Variants in PDZD2 observed in about 807,000 individuals in gnomAD.
PDZD2 encodes the protein PDZ domain containing 2.
Under a neutral mutation model 220.7 loss-of-function variants are expected in PDZD2, and 90 were observed. The ratio of observed to expected loss-of-function variants is 0.41; its 90% confidence interval spans 0.34 to 0.49. The LOEUF is 0.49. Among genes scored for constraint, PDZD2 ranks in the 20% least tolerant of loss-of-function variants. The pLI, the probability that PDZD2 is intolerant of heterozygous loss-of-function variation, is 0.28. For synonymous variants in PDZD2, 1,375 were observed against 1,450.5 expected (o/e 0.95, Z 1.18); for missense variants, 3,174 against 3,608.5 (o/e 0.88, Z 3.08).
rs1010744078 is a variant in PDZD2, at chr5:31,856,413, A to G, written c.476+56689A>G. Among the ~76,000 whole-genome samples, 7 of 151,798 alleles carry G rather than the reference A, an allele frequency of 4.6e-5. No homozygotes were observed. In the East Asian group the frequency reaches 1.2e-3, roughly 25 times the overall value. Reference sequence around the variant, plus strand: ...AGAAAAAGAGTTCTCAGAGCGGGCCACAAACAAAAGAAACAAGAAAGGGAA... The same window carrying G: ...AGAAAAAGAGTTCTCAGAGCGGGCCGCAAACAAAAGAAACAAGAAAGGGAA... On this transcript the variant is annotated intron_variant, in intron 2 of 24. Transcript: ENST00000438447.
At chr5:31,909,919 C>T (rs1743017842) in intron 2 of PDZD2, among the ~76,000 whole-genome samples, 1 of 152,138 alleles carries the variant, frequency 6.6e-6, no homozygotes, top group African/African-American at 2.4e-5. Flanking sequence ...TTATCCAAGA[C>T]CACAAGTATT....
chr5:31,892,639 C>T (rs1339561932), intron 2 of PDZD2, among the ~76,000 whole-genome samples: 2 of 151,666 alleles, frequency 1.3e-5, no homozygotes, highest in Admixed American at 1.3e-4. Flanking sequence ...GAGACCACAG[C>T]TCACTGCAGC....
At chr5:31,924,281 G>T (rs995896043) in intron 2 of PDZD2, among the ~76,000 whole-genome samples, 1 of 152,180 alleles carries the variant, frequency 6.6e-6, no homozygotes, top group Non-Finnish European at 1.5e-5. Flanking sequence ...CCTGCCATTT[G>T]GCTTGTTCTC....
intron 2 of PDZD2, among the ~76,000 whole-genome samples, chr5:31,968,343 G>A (rs796476040): frequency 6.6e-6 from 1 of 152,026 alleles, no homozygotes; most frequent in African/African-American, 2.4e-5. Flanking sequence ...GGGCGACAGA[G>A]TGAGACTGTG....
chr5:31,721,624 G>T lies in PDZD2; in HGVS notation c.-360-77265G>T, dbSNP rs374214704. ...CCATAACTAGCATGTATATATTTAT[G>T]GGCTATCTTTAAAAAAGTAACCAAC... On this transcript the variant is annotated intron_variant, in intron 1 of 24. Transcript: ENST00000438447. Among the ~76,000 whole-genome samples, 7 of 150,480 alleles carry T rather than the reference G, an allele frequency of 4.7e-5. No individual in the cohort carries two copies. The East Asian group carries it at 1.2e-3, about 25-fold the overall frequency.
Position 31,939,338 on chromosome 5 carries a change from T to C in PDZD2, c.477-43817T>C, listed in dbSNP as rs1313574055. Among the ~76,000 whole-genome samples the C allele has an allele frequency of 2.6e-5, 4 of 152,204 alleles. 1 individual carries two copies. The highest frequency in any genetic ancestry group is 4.4e-5 in the Non-Finnish European group (3 of 68,032). ...TCAGAAACCTGATTTGCGTAACTGC[T>C]GAAACTCAACTGGAAACCAACCAGA... On this transcript the variant is annotated intron_variant, in intron 2 of 24. Transcript: ENST00000438447.
Position 31,826,361 on chromosome 5 carries a change from T to C in PDZD2, c.476+26637T>C, listed in dbSNP as rs573173221. ...AAGTCTGAAAACAACCACTGACCTG[T>C]CTCCCTTTTATTTTTTACAAGATAT... On this transcript the variant is annotated intron_variant, in intron 2 of 24. Coordinates refer to ENST00000438447, the MANE Select transcript of PDZD2 (RefSeq NM_178140.4). Among the ~76,000 whole-genome samples the C allele has an allele frequency of 3.3e-5, 5 of 152,202 alleles. No homozygotes were observed. In the East Asian group the frequency reaches 9.6e-4, roughly 29 times the overall value.
chr5:31,895,649 T>C (rs954071017), intron 2 of PDZD2, among the ~76,000 whole-genome samples: 4 of 152,202 alleles, frequency 2.6e-5, no homozygotes, highest in Non-Finnish European at 2.9e-5. Context: ...ATAGAGTGAC[T>C]TTAAATTCTG....
At chr5:31,864,455 A>C (rs1223569064) in intron 2 of PDZD2, among the ~76,000 whole-genome samples, 1 of 151,812 alleles carries the variant, frequency 6.6e-6, no homozygotes, top group Non-Finnish European at 1.5e-5. Flanking sequence ...TCTCATATAT[A>C]ATCTTAATTG....
intron 5 of PDZD2, among the ~76,000 whole-genome samples, chr5:32,008,012 G>A (rs898973261): frequency 1.3e-5 from 2 of 152,098 alleles, no homozygotes; most frequent in African/African-American, 2.4e-5. Flanking sequence ...AGTCTGGGCC[G>A]GGCGCGGTCC....
chr5:31,686,211 G>A (rs13168296), intron 1 of PDZD2, among the ~76,000 whole-genome samples: 36,441 of 150,706 alleles, frequency 0.24, 4,889 homozygotes, highest in East Asian at 0.4. Flanking sequence ...GCGACAGAGC[G>A]AGTCTCCGTC....
chr5:32,063,552 A>G (rs1307398273), intron 14 of PDZD2, among the ~76,000 whole-genome samples: 1 of 152,174 alleles, frequency 6.6e-6, no homozygotes. Context: ...CCAGGCATCA[A>G]CAGACGGACT....
chr5:31,715,048 C>G (rs1439109007), intron 1 of PDZD2, among the ~76,000 whole-genome samples: 2 of 65,592 alleles, frequency 3.0e-5, no homozygotes, highest in Non-Finnish European at 5.9e-5. Flanking sequence ...AACAGAGCGA[C>G]ACTCTGTCTA....
In PDZD2 at chr5:31,731,126, T is replaced by C. The variant is rs548642857; in HGVS notation, c.-360-67763T>C. 3.3e-5 allele frequency among the ~76,000 whole-genome samples: 5 copies of C among 152,306 alleles called. No homozygotes were observed. The South Asian group carries it at 8.3e-4, about 25-fold the overall frequency. On this transcript the variant is annotated intron_variant, in intron 1 of 24. Coordinates refer to ENST00000438447, the MANE Select transcript of PDZD2 (RefSeq NM_178140.4). ...CTGTTTCCAGCCTGCAGTTTGGGTA[T>C]TCAGAGGCTAAAGAGCCTTTTCAGG...
rs1191282462 is a variant in PDZD2 at position 32,000,170 on chromosome 5, C to T, written c.1153C>T (p.Leu385=). 7 of 1,613,920 alleles carry T rather than the reference C, an allele frequency of 4.3e-6. No individual in the cohort carries two copies. The South Asian group carries it at 6.6e-5, about 15-fold the overall frequency. Residue 385 remains leucine (L), a synonymous_variant, in exon 5 of 25, where the codon CTG becomes TTG. Transcript: ENST00000438447. The surrounding 1 kb of genome is among the most constrained non-coding windows in gnomAD (Gnocchi z 4.5). ...CAGGCTGTCCTTAGGAGATGAGCTGCTGGTAATCAATGGTCATTTACTGGT... is the reference window on the plus strand; with the variant it reads ...CAGGCTGTCCTTAGGAGATGAGCTGTTGGTAATCAATGGTCATTTACTGGT... ...DGRLSLGDEL[L]VINGHLLVGL... is the part of the protein sequence containing the mutation.
intron 7 of PDZD2, among the ~76,000 whole-genome samples, chr5:32,047,060 C>CAATA (rs926435666): frequency 2.6e-5 from 4 of 151,422 alleles, no homozygotes; most frequent in East Asian, 1.9e-4. Context: ...AAGAAAACAC[C>CAATA]AATAAATAAA....
intron 1 of PDZD2, among the ~76,000 whole-genome samples, chr5:31,781,793 G>C (rs1471015040): frequency 6.6e-6 from 1 of 152,192 alleles, no homozygotes; most frequent in East Asian, 1.9e-4. Context: ...ATGTGAGACA[G>C]ACGTCTCATT....
intron 2 of PDZD2, among the ~76,000 whole-genome samples, chr5:31,854,386 T>C (rs1008733934): frequency 5.9e-5 from 9 of 152,112 alleles, no homozygotes; most frequent in African/African-American, 2.2e-4. Flanking sequence ...AATGCTTCAG[T>C]CGTGCAGTCA....
At chr5:31,984,346 A>T (rs1204983137) in intron 3 of PDZD2, among the ~76,000 whole-genome samples, 1 of 152,162 alleles carries the variant, frequency 6.6e-6, no homozygotes, top group African/African-American at 2.4e-5. Context: ...GGTCTCCCTC[A>T]TTATAACCAA....
Sources: allele counts gnomAD v4.1 joint callset (sites outside exome capture counted in the v4.1 genomes callset), GRCh38; gene constraint gnomAD v4.1.1; non-coding constraint Gnocchi (gnomAD v3.1); transcripts MANE v1.5; gene names NCBI Gene and HGNC (gene_info 2026-07-23, HGNC 2026-07-21).